Variants in PKHD1 observed in about 807,000 individuals in gnomAD.
The protein encoded by PKHD1 is fibrocystin.
In PKHD1, 291 loss-of-function variants were observed where a neutral mutation model predicts 412.0. The ratio of observed to expected loss-of-function variants is 0.71; its 90% confidence interval spans 0.64 to 0.78. The LOEUF is 0.78. Ranked by LOEUF, PKHD1 falls within the 30% of genes least tolerant of loss-of-function variation. The pLI, the probability that PKHD1 is intolerant of heterozygous loss-of-function variation, is 0.00. For synonymous variants in PKHD1, 1,777 were observed against 1,821.5 expected (o/e 0.98, Z 0.62); for missense variants, 4,825 against 4,950.7 (o/e 0.97, Z 0.76).
At position 52,017,409 on chromosome 6, in the gene PKHD1, C is replaced by T. The variant is rs1581763359; in HGVS notation, c.5600+1G>A. ...TTCAGGGAGGGAGAAGGTAAAGTTA[C>T]CTGATAAAGAGGCCCGAGAATGATG... is the stretch of plus-strand genomic sequence containing the variant. On this transcript the variant is annotated splice_donor_variant, in intron 34 of 66. Transcript: ENST00000371117. LOFTEE classifies it high-confidence loss of function. 1 of 1,601,512 alleles carries T rather than the reference C, an allele frequency of 6.2e-7. No homozygotes were observed. Among genetic ancestry groups the T allele is most frequent in the Non-Finnish European group, 8.6e-7 (1 of 1,168,530 alleles).
At position 52,058,380 on chromosome 6, in the gene PKHD1, A is replaced by G. The variant is rs1582011928; in HGVS notation, c.1455T>C (p.Thr485=). ...NTWLNPDVVT[T]YLREKHQIRV... Reference sequence around the variant, plus strand: ...GGATCTGGTGCTTCTCCCGTAGGTAAGTGGTGACCACATCAGGATTCAGCC... The same window carrying G: ...GGATCTGGTGCTTCTCCCGTAGGTAGGTGGTGACCACATCAGGATTCAGCC... Residue 485 remains threonine, a synonymous_variant, in exon 16 of 67, where the codon ACT becomes ACC. Transcript: ENST00000371117. 1.2e-5 allele frequency: 20 copies of G among 1,614,114 alleles called. No individual in the cohort carries two copies. Among genetic ancestry groups the G allele is most frequent in the Non-Finnish European group, 1.7e-5 (20 of 1,180,012 alleles).
intron 35 of PKHD1, among the ~76,000 whole-genome samples, chr6:51,981,354 T>C (rs1297126753): frequency 1.4e-3 from 87 of 61,244 alleles, no homozygotes; most frequent in African/African-American, 3.2e-3. Context: ...TCCCTCTCCC[T>C]CTCCCTCTCC....
At chr6:51,931,690 T>G (rs1786614635) in intron 37 of PKHD1, among the ~76,000 whole-genome samples, 1 of 152,228 alleles carries the variant, frequency 6.6e-6, no homozygotes, top group Non-Finnish European at 1.5e-5. Context: ...GGAAATGGCT[T>G]GATCTTTGCC....
intron 46 of PKHD1, among the ~76,000 whole-genome samples, 169 bp from the exon 47 acceptor site, chr6:51,870,808 G>C (rs1194555991): frequency 6.6e-6 from 1 of 151,490 alleles, no homozygotes; most frequent in African/African-American, 2.4e-5. Flanking sequence ...AATATAGAAA[G>C]AACTCTTAGG....
intron 65 of PKHD1, among the ~76,000 whole-genome samples, chr6:51,628,417 T>A (rs914646133): frequency 2.0e-5 from 3 of 152,222 alleles, no homozygotes; most frequent in African/African-American, 4.8e-5. Flanking sequence ...TTCATTCTTT[T>A]TATGGCTGCA....
intron 36 of PKHD1, among the ~76,000 whole-genome samples, chr6:51,957,375 A>AT (rs1398554314): frequency 1.3e-5 from 2 of 152,098 alleles, no homozygotes; most frequent in Admixed American, 6.6e-5. Flanking sequence ...CCTTAGCCAC[A>AT]TGGCTATGTC....
chr6:51,672,552 C>T (rs1279653362), intron 60 of PKHD1, among the ~76,000 whole-genome samples: 3 of 152,024 alleles, frequency 2.0e-5, no homozygotes, highest in East Asian at 1.9e-4. Flanking sequence ...TTAGTCTGCC[C>T]GTGTTGTGGA....
At chr6:51,822,831 A>C (rs1582886041) in intron 52 of PKHD1, among the ~76,000 whole-genome samples, 1 of 152,050 alleles carries the variant, frequency 6.6e-6, no homozygotes, top group East Asian at 1.9e-4. Context: ...TTCTCAGCTC[A>C]TTTTTCTTTA....
chr6:52,052,266 G>A (rs1277863646), intron 21 of PKHD1, among the ~76,000 whole-genome samples: 2 of 152,186 alleles, frequency 1.3e-5, no homozygotes, highest in Non-Finnish European at 2.9e-5. Flanking sequence ...GACACTGAGG[G>A]CAAACTGCAC....
At chr6:51,907,324 C>G (rs1782261806) in intron 40 of PKHD1, among the ~76,000 whole-genome samples, 1 of 152,110 alleles carries the variant, frequency 6.6e-6, no homozygotes, top group Non-Finnish European at 1.5e-5. Context: ...TTTAACATCA[C>G]TATCAACACT....
At chr6:51,751,285 C>A (rs1362801060) in intron 57 of PKHD1, among the ~76,000 whole-genome samples, 2 of 152,082 alleles carry the variant, frequency 1.3e-5, no homozygotes, top group Non-Finnish European at 2.9e-5. Context: ...ATCTGCCATC[C>A]CTGACCTACA....
At chr6:51,971,696 G>T (rs966300557) in intron 35 of PKHD1, among the ~76,000 whole-genome samples, 10 of 138,082 alleles carry the variant, frequency 7.2e-5, no homozygotes, top group African/African-American at 2.4e-4. Context: ...TTTTTGGGTT[G>T]GTTTTTTTTG....
chr6:51,746,808 C>A lies in PKHD1; in HGVS notation c.9911G>T (p.Gly3304Val). 6.2e-7 allele frequency: 1 copy of A among 1,610,446 alleles called. No homozygotes were observed. The highest frequency in any genetic ancestry group is 8.5e-7 in the Non-Finnish European group (1 of 1,176,920). The change falls in exon 59 of 67, where the codon GGA becomes GTA. Residue 3304 changes from glycine (G) to valine (V), a missense_variant. By Grantham distance (109) the Gly-to-Val change is moderately radical. Transcript: ENST00000371117. ...CTCTGCTGTTATTGGGTGCATAATTCCACTGTTCTCTGCATTTGGTAGAAT... is the reference window on the plus strand; with the variant it reads ...CTCTGCTGTTATTGGGTGCATAATTACACTGTTCTCTGCATTTGGTAGAAT... ...VCILPNAENS[G>V]IMHPITAERT...
At chr6:51,733,368 G>C (rs1164350582) in intron 60 of PKHD1, among the ~76,000 whole-genome samples, 2 of 151,928 alleles carry the variant, frequency 1.3e-5, no homozygotes, top group Non-Finnish European at 2.9e-5. Flanking sequence ...GTGAAACCCT[G>C]TCTCTACTAA....
intron 53 of PKHD1, among the ~76,000 whole-genome samples, chr6:51,782,874 A>ATTAC (rs1399727141): frequency 6.6e-6 from 1 of 152,104 alleles, no homozygotes. Flanking sequence ...TCTCCTTCTT[A>ATTAC]TTACTTAATC....
rs375490365 is a variant in PKHD1, at chr6:51,767,079, A to G, written c.8642+5623T>C. On this transcript the variant is annotated intron_variant, in intron 55 of 66. Transcript: ENST00000371117. ...TTTATATTTTTCTAAAGGATTTACT[A>G]ATTATTCCAGCCTGTCTTCAACTAA... Among the ~76,000 whole-genome samples the G allele has an allele frequency of 7.9e-5, 12 of 152,208 alleles. No homozygotes were observed. In the East Asian group the frequency reaches 1.2e-3, roughly 15 times the overall value.
intron 48 of PKHD1, 81 bp downstream of exon 48, chr6:51,867,782 T>G: frequency 5.4e-6 from 7 of 1,286,800 alleles, no homozygotes; most frequent in Non-Finnish European, 7.9e-6. Context: ...AGAAAACAAT[T>G]TCCCTTCTAT....
chr6:51,617,760 G>C lies in PKHD1; in HGVS notation c.*1321C>G, dbSNP rs1459451767. 6.6e-6 allele frequency: 1 copy of C among 152,194 alleles called. No individual in the cohort carries two copies. The highest frequency in any genetic ancestry group is 1.5e-5 in the Non-Finnish European group (1 of 68,036). The allele number at this position is 152,194 out of a possible 1,614,324, so 9.4% of individuals were successfully genotyped here. A position where few individuals can be genotyped will look rare whatever the true frequency, so the allele number is the denominator to read the frequency against. ...CTGCAGACATAACAGCTGTCTGCCA[G>C]TACTTCTCATAGAACTAATTCAGGG... is the stretch of plus-strand genomic sequence containing the variant. On this transcript the variant is annotated 3_prime_UTR_variant, in exon 67 of 67. Coordinates refer to ENST00000371117, the MANE Select transcript of PKHD1 (RefSeq NM_138694.4).
At chr6:52,051,001 G>A (rs1394457946) in intron 21 of PKHD1, among the ~76,000 whole-genome samples, 1 of 152,202 alleles carries the variant, frequency 6.6e-6, no homozygotes, top group Non-Finnish European at 1.5e-5. Context: ...CCCAAGATTG[G>A]TTACAATGGA....
Sources: gnomAD v4.1 joint callset for allele counts (sites outside exome capture counted in the v4.1 genomes callset) on GRCh38, gnomAD v4.1.1 for gene constraint, MANE v1.5 for transcripts, NCBI Gene and HGNC (gene_info 2026-07-23, HGNC 2026-07-21) for gene names.